The following CAST variants were observed in gnomAD, a reference collection of about 807,000 sequenced individuals.
CAST encodes the protein calpastatin.
A neutral mutation model predicts 119.6 loss-of-function variants in CAST; 76 were observed. That is an observed-to-expected ratio of 0.64 (90% CI 0.53 to 0.77). CAST has a LOEUF of 0.77. CAST is among the 30% of genes least tolerant of loss of function. The pLI, the probability that CAST is intolerant of heterozygous loss-of-function variation, is 0.00. For missense variants in CAST, 953 were observed against 946.5 expected (o/e 1.01, Z -0.09); for synonymous variants, 319 against 331.6 (o/e 0.96, Z 0.41).
At chr5:96,503,844 C>T in the CAST span, among the ~76,000 whole-genome samples, 1 of 152,202 alleles carries the variant, frequency 6.6e-6, no homozygotes, top group East Asian at 1.9e-4. Flanking sequence ...CCCCACCTTT[C>T]ATATTTCGTA....
the CAST span, among the ~76,000 whole-genome samples, chr5:96,225,732 A>G: frequency 9.2e-5 from 14 of 152,202 alleles, no homozygotes; most frequent in Non-Finnish European, 1.6e-4. Flanking sequence ...AACAGAGGTA[A>G]AAGAATACAA....
At chr5:96,006,120 A>G in the CAST span, among the ~76,000 whole-genome samples, 1 of 152,182 alleles carries the variant, frequency 6.6e-6, no homozygotes, top group Non-Finnish European at 1.5e-5. Context: ...TAGTGGATTA[A>G]TATAGATTTG....
the CAST span, among the ~76,000 whole-genome samples, chr5:96,346,371 C>A: frequency 1.2e-4 from 18 of 152,190 alleles, no homozygotes; most frequent in Admixed American, 3.9e-4. Flanking sequence ...GTTAGATATT[C>A]AGATTTTGAG....
intron 17 of CAST, among the ~76,000 whole-genome samples, chr5:96,746,982 A>G (rs181930072): frequency 2.6e-4 from 40 of 152,354 alleles, no homozygotes; most frequent in African/African-American, 7.9e-4. Flanking sequence ...AAACAGTGTT[A>G]TAGGAATGAT....
chr5:96,334,049 G>A, the CAST span, among the ~76,000 whole-genome samples: 8 of 152,232 alleles, frequency 5.3e-5, no homozygotes, highest in African/African-American at 1.9e-4. Context: ...TAGCAAACTT[G>A]CTACCTACTT....
In CAST at chr5:96,699,028, T is replaced by C. The variant is rs574228812; in HGVS notation, c.210+3121T>C. 1.1e-3 allele frequency among the ~76,000 whole-genome samples: 165 copies of C among 152,372 alleles called. 1 individual carries two copies. In the South Asian group the frequency reaches 0.032, roughly 30 times the overall value. ...CCCTTCTGCTATGCAGTTTTAGGTT[T>C]CAAAGATCTAATGCTCTTAAGTGAT... On this transcript the variant is annotated intron_variant, in intron 3 of 31. Coordinates refer to ENST00000675179, the MANE Select transcript of CAST (RefSeq NM_001750.7).
the CAST span, among the ~76,000 whole-genome samples, chr5:96,388,722 T>C: frequency 4.6e-5 from 7 of 152,334 alleles, no homozygotes; most frequent in African/African-American, 1.7e-4. Context: ...TAAGAATTAA[T>C]CTGTATCCTT....
intron 3 of CAST, among the ~76,000 whole-genome samples, chr5:96,717,666 G>C (rs1425181978): frequency 2.0e-5 from 3 of 152,174 alleles, no homozygotes; most frequent in African/African-American, 7.2e-5. Context: ...CTTGAGACCA[G>C]AATCCACTCT....
the CAST span, among the ~76,000 whole-genome samples, chr5:96,035,041 G>GTATATATATATATATA: frequency 9.3e-6 from 1 of 107,962 alleles, no homozygotes; most frequent in African/African-American, 3.5e-5. Context: ...TTGTATTTAA[G>GTATATATATATATATA]TATATATATA....
chr5:96,365,129 C>A, the CAST span, among the ~76,000 whole-genome samples: 1 of 148,680 alleles, frequency 6.7e-6, no homozygotes, highest in Non-Finnish European at 1.5e-5. Context: ...TGTAGTTGAG[C>A]GGTTTTGAGT....
chr5:96,692,186 A>C (rs1384058737), intron 2 of CAST, among the ~76,000 whole-genome samples: 1 of 152,176 alleles, frequency 6.6e-6, no homozygotes, highest in Non-Finnish European at 1.5e-5. Flanking sequence ...ATGCAGATCT[A>C]GTGAGCTAAG....
chr5:96,552,718 T>A (rs79143067), intron 1 of CAST, among the ~76,000 whole-genome samples: 5 of 152,106 alleles, frequency 3.3e-5, no homozygotes, highest in African/African-American at 1.2e-4. Flanking sequence ...TAAAAAATGA[T>A]AAAGTGGGTA....
At chr5:96,026,673 A>C in the CAST span, among the ~76,000 whole-genome samples, 136 of 152,342 alleles carry the variant, frequency 8.9e-4, no homozygotes, top group African/African-American at 3.1e-3. Context: ...CGAAGCACTT[A>C]GGTAAAAGAA....
chr5:96,493,464 G>A, the CAST span, among the ~76,000 whole-genome samples: 1 of 152,074 alleles, frequency 6.6e-6, no homozygotes, highest in African/African-American at 2.4e-5. Flanking sequence ...TAATTAAATT[G>A]CAACTCCCCA....
chr5:96,296,526 T>C, the CAST span, among the ~76,000 whole-genome samples: 1 of 152,242 alleles, frequency 6.6e-6, no homozygotes, highest in Non-Finnish European at 1.5e-5. Flanking sequence ...AGCATCCTTT[T>C]GTGTCTGGAG....
chr5:95,976,312 A>G, the CAST span, among the ~76,000 whole-genome samples: 1 of 151,934 alleles, frequency 6.6e-6, no homozygotes, highest in African/African-American at 2.4e-5. Flanking sequence ...GACCCAAAGC[A>G]ACTACACACA....
chr5:96,301,913 ATAGCTCCGC>A, the CAST span, among the ~76,000 whole-genome samples: 2 of 152,046 alleles, frequency 1.3e-5, no homozygotes, highest in Non-Finnish European at 2.9e-5. Flanking sequence ...CCCTCTTTTC[ATAGCTCCGC>A]TAGGCATTGC....
At chr5:96,431,905 A>G in the CAST span, among the ~76,000 whole-genome samples, 1 of 152,024 alleles carries the variant, frequency 6.6e-6, no homozygotes, top group Admixed American at 6.5e-5. Context: ...GAGCCAAGGA[A>G]AGGAAAGCTC....
the CAST span, among the ~76,000 whole-genome samples, chr5:96,141,873 A>C: frequency 6.6e-6 from 1 of 152,150 alleles, no homozygotes; most frequent in Non-Finnish European, 1.5e-5. Context: ...TAATGTTAGG[A>C]GGGTGTGTAG....
Sources: gnomAD v4.1 joint callset for allele counts (sites outside exome capture counted in the v4.1 genomes callset) on GRCh38, gnomAD v4.1.1 for gene constraint, MANE v1.5 for transcripts, NCBI Gene and HGNC (gene_info 2026-07-23, HGNC 2026-07-21) for gene names.